Variants in GSTCD observed in about 807,000 individuals in gnomAD.
The protein encoded by GSTCD is glutathione S-transferase C-terminal domain containing.
Under a neutral mutation model 68.3 loss-of-function variants are expected in GSTCD, and 44 were observed. The ratio of observed to expected loss-of-function variants is 0.64; its 90% CI spans 0.51 to 0.83. The LOEUF (loss-of-function observed/expected upper bound fraction) is 0.83, where lower values mean the gene tolerates loss of function less well. Ranked by LOEUF, GSTCD falls within the 40% of genes least tolerant of loss-of-function variation. The pLI, the probability that GSTCD is intolerant of heterozygous loss-of-function variation, is 0.00. For missense variants in GSTCD, 739 were observed against 735.9 expected, an observed-to-expected ratio of 1.00 and a Z score of -0.05; for synonymous variants, 273 against 255.2, an observed-to-expected ratio of 1.07 and a Z score of -0.67.
At chr4:105,731,157 G>T (rs976555633) in intron 5 of GSTCD, among the ~76,000 whole-genome samples, 10 of 152,176 alleles carry the variant, frequency 6.6e-5, no homozygotes, top group Non-Finnish European at 1.5e-4. Flanking sequence ...TTTGAAGTCA[G>T]GTAGTGTGAT....
At chr4:105,835,598 T>C (rs1043038445) in intron 9 of GSTCD, among the ~76,000 whole-genome samples, 2 of 152,086 alleles carry the variant, frequency 1.3e-5, no homozygotes, top group African/African-American at 4.8e-5. Context: ...GGAGCTCCTA[T>C]GACTGGGCTC....
At chr4:105,767,618 G>C (rs1228487013) in intron 5 of GSTCD, among the ~76,000 whole-genome samples, 1 of 152,056 alleles carries the variant, frequency 6.6e-6, no homozygotes, top group Non-Finnish European at 1.5e-5. Context: ...TAACAAGTTT[G>C]CTAAGACTGT....
intron 5 of GSTCD, among the ~76,000 whole-genome samples, chr4:105,797,249 T>C (rs1735930300): frequency 6.6e-6 from 1 of 152,136 alleles, no homozygotes; most frequent in Non-Finnish European, 1.5e-5. Context: ...TCCTATTTTT[T>C]TCCCTGTTGG....
chr4:105,743,209 C>G (rs1181021904), intron 5 of GSTCD, among the ~76,000 whole-genome samples: 2 of 152,056 alleles, frequency 1.3e-5, no homozygotes, highest in Non-Finnish European at 2.9e-5. Context: ...CTTGGCCTCC[C>G]AAAGTACTGG....
intron 5 of GSTCD, among the ~76,000 whole-genome samples, chr4:105,782,913 A>G (rs1735334804): frequency 1.3e-5 from 2 of 152,222 alleles, no homozygotes; most frequent in South Asian, 4.1e-4. Context: ...TTGTGTACAT[A>G]TAATGTATTT....
intron 5 of GSTCD, among the ~76,000 whole-genome samples, chr4:105,781,614 A>T (rs539389906): frequency 6.6e-6 from 1 of 152,124 alleles, no homozygotes; most frequent in Non-Finnish European, 1.5e-5. Context: ...ATTCTTAAGA[A>T]GTATTCTACG....
At chr4:105,723,712 A>G (rs6827293) in intron 3 of GSTCD, among the ~76,000 whole-genome samples, 149 of 151,782 alleles carry the variant, frequency 9.8e-4, no homozygotes, top group Non-Finnish European at 1.7e-3. Flanking sequence ...TCTTTAAATA[A>G]TATGTAAAAA....
At chr4:105,712,035 G>A (rs1732554335) in intron 1 of GSTCD, among the ~76,000 whole-genome samples, 1 of 152,204 alleles carries the variant, frequency 6.6e-6, no homozygotes, top group Non-Finnish European at 1.5e-5. Flanking sequence ...AAAGAATGGT[G>A]TCATGAAGAA....
intron 5 of GSTCD, among the ~76,000 whole-genome samples, chr4:105,808,564 A>G (rs985414328): frequency 6.6e-6 from 1 of 152,080 alleles, no homozygotes; most frequent in Non-Finnish European, 1.5e-5. Flanking sequence ...AATAAAATCC[A>G]AAGTTTCCAC....
At chr4:105,746,519 T>C (rs1733806986) in intron 5 of GSTCD, 1 of 152,198 alleles carries the variant, frequency 6.6e-6, no homozygotes, top group Middle Eastern at 3.2e-3. Flanking sequence ...GCAGATGACA[T>C]TGCTTGGGAT....
chr4:105,823,548 A>G, intron 7 of GSTCD: 1 of 262,978 alleles, frequency 3.8e-6, no homozygotes, highest in Non-Finnish European at 7.1e-6. Flanking sequence ...GCTAAATAAA[A>G]TAATTATGAT....
intron 9 of GSTCD, among the ~76,000 whole-genome samples, chr4:105,835,759 G>T (rs1299704560): frequency 6.6e-6 from 1 of 152,152 alleles, no homozygotes; most frequent in East Asian, 1.9e-4. Flanking sequence ...CTGAGTTCTT[G>T]TCCCAAATCG....
intron 5 of GSTCD, among the ~76,000 whole-genome samples, chr4:105,803,189 G>A (rs1736174006): frequency 6.6e-6 from 1 of 151,986 alleles, no homozygotes; most frequent in South Asian, 2.1e-4. Context: ...ATGGCAACAT[G>A]CATTTCCCTG....
intron 11 of GSTCD, among the ~76,000 whole-genome samples, chr4:105,844,511 C>G (rs1358178936): frequency 2.0e-5 from 3 of 152,024 alleles, no homozygotes; most frequent in Non-Finnish European, 2.9e-5. Context: ...GTTCATAGAA[C>G]TTTTCTATTT....
chr4:105,769,121 TACTG>T (rs1379791069), intron 5 of GSTCD, among the ~76,000 whole-genome samples: 18 of 152,240 alleles, frequency 1.2e-4, no homozygotes, highest in South Asian at 1.0e-3. Context: ...CAAAAATTTA[TACTG>T]ACTAATAATC....
chr4:105,769,894 T>A (rs1734774880), intron 5 of GSTCD, among the ~76,000 whole-genome samples: 1 of 152,104 alleles, frequency 6.6e-6, no homozygotes. Context: ...TAGGTGGGAC[T>A]ACAGGCCCAC....
In GSTCD at chr4:105,767,801, A is replaced by T. The variant is rs369140759; in HGVS notation, c.1240+38302A>T. On this transcript the variant is annotated intron_variant, in intron 5 of 11. Transcript: ENST00000515279. ...AACCAGCCTGACTGGTTCCCTTACA[A>T]TTCACAATAATAGCTTCTTTTGTCT... Among the ~76,000 whole-genome samples the T allele has an allele frequency of 2.0e-5, 3 of 152,224 alleles. No individual in the cohort carries two copies. In the East Asian group the frequency reaches 5.8e-4, roughly 29 times the overall value.
At chr4:105,779,091 A>G (rs1203503012) in intron 5 of GSTCD, among the ~76,000 whole-genome samples, 1 of 152,216 alleles carries the variant, frequency 6.6e-6, no homozygotes, top group Non-Finnish European at 1.5e-5. Context: ...CACAGACCTT[A>G]TTTAGATTTT....
chr4:105,743,653 C>CTTTTTT (rs777714268), intron 5 of GSTCD, among the ~76,000 whole-genome samples: 4 of 88,850 alleles, frequency 4.5e-5, no homozygotes, highest in East Asian at 3.0e-4. Context: ...ACAGGACATT[C>CTTTTTT]TTTTTTTTTT....
Sources: gnomAD v4.1 joint callset for allele counts (sites outside exome capture counted in the v4.1 genomes callset) on GRCh38, gnomAD v4.1.1 for gene constraint, MANE v1.5 for transcripts, NCBI Gene and HGNC (gene_info 2026-07-23, HGNC 2026-07-21) for gene names.